Variants in BANP observed in about 807,000 individuals in gnomAD.
The protein encoded by BANP is BTG3 associated nuclear protein, also known as protein BANP.
Under a neutral mutation model 68.1 loss-of-function variants are expected in BANP, and 11 were observed. The ratio of observed to expected loss-of-function variants is 0.16; its 90% CI spans 0.10 to 0.27. The LOEUF (loss-of-function observed/expected upper bound fraction) is 0.27, where lower values mean the gene tolerates loss of function less well. Among genes scored for constraint, BANP ranks in the 10% least tolerant of loss-of-function variants. The probability of loss-of-function intolerance (pLI) is 1.00; values close to 1 mark genes in which losing one functional copy is unlikely to be tolerated. For synonymous variants in BANP, 329 were observed against 303.2 expected (o/e 1.09, Z -0.88); for missense variants, 504 against 722.7 (o/e 0.70, Z 3.47).
chr16:88,018,570 C>T lies in BANP; in HGVS notation c.798C>T (p.Tyr266=), dbSNP rs2075121580. ...AEKMALTLLD[Y]LFHREVQAVS... is the part of the protein sequence containing the mutation. ...AGATGGCGCTCACGCTGCTGGACTA[C>T]CTCTTCCACCGCGAGGTGCAGGCTG... Residue 266 remains tyrosine (Y), a synonymous_variant, in exon 7 of 14, where the codon TAC becomes TAT. Coordinates refer to ENST00000682872, the MANE Select transcript of BANP (RefSeq NM_001386991.1). This position sits in a 1 kb window ranked among gnomAD's most constrained non-coding sequence, Gnocchi z 7.7. 1.2e-6 allele frequency: 2 copies of T among 1,611,070 alleles called. No homozygotes were observed.
At position 87,957,420 on chromosome 16, in the gene BANP, C is replaced by G. The variant is rs2058302664; in HGVS notation, c.-69+5905C>G. On this transcript the variant is annotated intron_variant, in intron 1 of 13. Transcript: ENST00000682872. The surrounding 1 kb of genome is among the most constrained non-coding windows in gnomAD (Gnocchi z 4.3). ...CACCTCCCCTCTGCTCGTCTGTGTC[C>G]ACATTCTGTCGTGGTTGAGACCGGA... Among the ~76,000 whole-genome samples, 1 of 152,206 alleles carries G rather than the reference C, an allele frequency of 6.6e-6. No homozygotes were observed. Among genetic ancestry groups the G allele is most frequent in the Non-Finnish European group, 1.5e-5 (1 of 68,032 alleles).
At chr16:88,053,020 A>G (rs2083662711) in intron 11 of BANP, among the ~76,000 whole-genome samples, 1 of 151,168 alleles carries the variant, frequency 6.6e-6, no homozygotes, top group Non-Finnish European at 1.5e-5. Flanking sequence ...ATTATCACCA[A>G]CAGTCACCCT....
At chr16:88,021,052 TCTC>T (rs2075945055) in intron 7 of BANP, among the ~76,000 whole-genome samples, 1 of 152,146 alleles carries the variant, frequency 6.6e-6, no homozygotes, top group Non-Finnish European at 1.5e-5. Flanking sequence ...CTGCTGAGCT[TCTC>T]CTTGCTTGGG....
chr16:87,950,371 T>A (rs967623364), upstream of BANP: 1 of 152,026 alleles, frequency 6.6e-6, no homozygotes, highest in African/African-American at 2.4e-5. Context: ...GGTTTGGGAA[T>A]TTTTTCCTGT....
At chr16:88,010,987 A>AT (rs1432555208) in intron 6 of BANP, among the ~76,000 whole-genome samples, 2 of 152,170 alleles carry the variant, frequency 1.3e-5, no homozygotes, top group Non-Finnish European at 2.9e-5. Context: ...AACAGGAAAC[A>AT]TTTTTTCATG....
chr16:88,010,700 G>A (rs1257488740), intron 6 of BANP, among the ~76,000 whole-genome samples: 1 of 152,268 alleles, frequency 6.6e-6, no homozygotes, highest in Non-Finnish European at 1.5e-5. Context: ...ACGCTGTGCT[G>A]TGCCGAGTCA....
At chr16:87,960,169 G>A (rs893149764) in intron 1 of BANP, among the ~76,000 whole-genome samples, 13 of 152,204 alleles carry the variant, frequency 8.5e-5, no homozygotes, top group African/African-American at 1.9e-4. Context: ...CAGAGGCCCC[G>A]CGGACCGTGA....
rs1308514401 is a variant in BANP, at chr16:88,033,217, A to G, written c.1172A>G (p.Gln391Arg). ...AACGCACAGCAGGTGCAGATCCACC[A>G]GATCGGAGAAGACGGACAGGTGCAA... The part of the protein sequence containing the change: ...LANAQQVQIH[Q>R]IGEDGQVQVI... Residue 391 changes from glutamine to arginine, a missense_variant, in exon 9 of 14, where the codon CAG (glutamine) becomes CGG (arginine). Around this residue, in one of 3 missense-constraint regions of BANP, gnomAD observed 223 missense variants for 246.2 expected, o/e 0.91. Coordinates refer to ENST00000682872, the MANE Select transcript of BANP (RefSeq NM_001386991.1). The G allele has an allele frequency of 3.1e-6, 5 of 1,607,554 alleles. No homozygotes were observed. The highest frequency in any genetic ancestry group is 4.3e-6 in the Non-Finnish European group (5 of 1,175,312).
At chr16:87,990,118 T>C (rs1332682217) in intron 4 of BANP, among the ~76,000 whole-genome samples, 1 of 152,226 alleles carries the variant, frequency 6.6e-6, no homozygotes, top group Non-Finnish European at 1.5e-5. Context: ...ACTCGAAAAA[T>C]TATTTTTAAA....
At chr16:88,012,867 A>G (rs1234099568) in intron 6 of BANP, among the ~76,000 whole-genome samples, 1 of 152,274 alleles carries the variant, frequency 6.6e-6, no homozygotes, top group African/African-American at 2.4e-5. Flanking sequence ...GGATAAATTA[A>G]TAACTATTCA....
intron 11 of BANP, among the ~76,000 whole-genome samples, chr16:88,061,729 G>A (rs556568354): frequency 2.6e-5 from 4 of 151,376 alleles, no homozygotes; most frequent in African/African-American, 4.8e-5. Context: ...GCAATGGCAC[G>A]ATCTCGGCTC....
At chr16:87,992,208 C>T (rs2066031787) in intron 4 of BANP, among the ~76,000 whole-genome samples, 1 of 152,168 alleles carries the variant, frequency 6.6e-6, no homozygotes, top group South Asian at 2.1e-4. Flanking sequence ...TTATCATAAA[C>T]CTGACTTCAT....
chr16:88,046,676 G>A (rs982242751), intron 11 of BANP, among the ~76,000 whole-genome samples: 13 of 151,958 alleles, frequency 8.6e-5, no homozygotes, highest in Non-Finnish European at 1.6e-4. Flanking sequence ...CTCCTGAGTC[G>A]CTGGGATTAT....
At chr16:88,067,879 G>C (rs12926223) in intron 12 of BANP, among the ~76,000 whole-genome samples, 1 of 152,200 alleles carries the variant, frequency 6.6e-6, no homozygotes, top group Non-Finnish European at 1.5e-5. Context: ...GATGCTCCCG[G>C]CTGAGCCTTG....
chr16:88,026,669 G>C (rs1234557555), intron 7 of BANP, among the ~76,000 whole-genome samples: 1 of 151,556 alleles, frequency 6.6e-6, no homozygotes, highest in Non-Finnish European at 1.5e-5. Context: ...GGGGGACAGA[G>C]TAACAATACA....
At chr16:87,950,091 A>G (rs765416704), upstream of BANP, among the ~76,000 whole-genome samples, 3 of 151,892 alleles carry the variant, frequency 2.0e-5, no homozygotes, top group Non-Finnish European at 4.4e-5. Context: ...GTTAGCCAGG[A>G]TGGTCTCGAT....
intron 6 of BANP, among the ~76,000 whole-genome samples, chr16:88,017,027 C>T (rs1320516873): frequency 2.0e-5 from 3 of 152,226 alleles, no homozygotes; most frequent in Non-Finnish European, 4.4e-5. Flanking sequence ...GGAGAGGCTG[C>T]TTGTGGAGGG....
intron 11 of BANP, among the ~76,000 whole-genome samples, chr16:88,044,840 G>A (rs8063414): frequency 0.25 from 37,597 of 151,944 alleles, 5,769 homozygotes; most frequent in African/African-American, 0.43. Context: ...AAAATTAGCC[G>A]GTGCGGTGGC....
At chr16:87,973,713 A>G (rs889327841) in intron 1 of BANP, among the ~76,000 whole-genome samples, 3 of 144,376 alleles carry the variant, frequency 2.1e-5, no homozygotes, top group African/African-American at 7.7e-5. Flanking sequence ...AGATTGCGCC[A>G]TTGCATTCCA....
Sources: gnomAD v4.1 joint callset for allele counts (sites outside exome capture counted in the v4.1 genomes callset) on GRCh38, gnomAD v4.1.1 for gene constraint, gnomAD v4.1.1 regional missense constraint, Gnocchi (gnomAD v3.1) non-coding constraint, MANE v1.5 for transcripts, NCBI Gene and HGNC (gene_info 2026-07-23, HGNC 2026-07-21) for gene names.